Variants in WDHD1 observed in about 807,000 individuals in gnomAD.
WDHD1 encodes the protein WD repeat and HMG-box DNA binding protein 1.
Under a neutral mutation model 135.4 loss-of-function variants are expected in WDHD1, and 111 were observed. That is an observed-to-expected ratio of 0.82 (90% CI 0.70 to 0.96). The LOEUF is 0.96. WDHD1 is among the 40% of genes least tolerant of loss of function. WDHD1 has a pLI of 0.00. For synonymous variants in WDHD1, 434 were observed against 439.0 expected (o/e 0.99, Z 0.14); for missense variants, 1,351 against 1,336.3 (o/e 1.01, Z -0.17).
At position 55,008,637 on chromosome 14, in the gene WDHD1, G is replaced by C; in HGVS notation, c.424C>G (p.Leu142Val). 6.2e-7 allele frequency: 1 copy of C among 1,611,912 alleles called. No homozygotes were observed. Among genetic ancestry groups the C allele is most frequent in the Non-Finnish European group, 8.5e-7 (1 of 1,179,460 alleles). The change falls in exon 5 of 26, where the codon CTT (leucine) becomes GTT (valine). Residue 142 changes from leucine to valine, a missense_variant. Leu to Val is a conservative substitution (Grantham distance 32). Transcript: ENST00000360586. ...FRGHDAPVLS[L>V]SFDPKDIFLA... ...AAGATGTCCTTAGGATCAAAGGAAA[G>C]ACTTAAAACAGGGGCATCATGTCCT... is the stretch of plus-strand genomic sequence containing the variant.
chr14:54,999,305 T>C (rs147679941), intron 10 of WDHD1, among the ~76,000 whole-genome samples: 130 of 152,282 alleles, frequency 8.5e-4, no homozygotes, highest in African/African-American at 3.1e-3. Context: ...TCATCTTTTC[T>C]AAAAAAACAA....
chr14:54,983,687 A>C lies in WDHD1; in HGVS notation c.1906+1036T>G, dbSNP rs1477098738. On this transcript the variant is annotated intron_variant, in intron 15 of 25. Transcript: ENST00000360586. ...GACTCCTAATTTATTCCTTAAAAAA[A>C]AAAAAATTTTAAATAGAGATGGGAT... Among the ~76,000 whole-genome samples the C allele has an allele frequency of 2.0e-5, 3 of 151,950 alleles. No individual in the cohort carries two copies. In the East Asian group the frequency reaches 5.8e-4, roughly 29 times the overall value.
chr14:55,012,191 T>A (rs1389368843), intron 3 of WDHD1, among the ~76,000 whole-genome samples: 1 of 152,232 alleles, frequency 6.6e-6, no homozygotes, highest in Non-Finnish European at 1.5e-5. Flanking sequence ...TGTATGTTGG[T>A]CATTTACATT....
At position 54,984,764 on chromosome 14, in the gene WDHD1, G is replaced by A. The variant is rs1409183545; in HGVS notation, c.1865C>T (p.Thr622Ile). 6.2e-7 allele frequency: 1 copy of A among 1,613,316 alleles called. No homozygotes were observed. The highest frequency in any genetic ancestry group is 1.3e-5 in the African/African-American group (1 of 74,818). Residue 622 changes from threonine to isoleucine, a missense_variant, in exon 15 of 26, where the codon ACA becomes ATA. This residue lies in a region of WDHD1 where 1,330 missense variants were observed against 1,296.1 expected (regional missense o/e 1.03). Coordinates refer to ENST00000360586, the MANE Select transcript of WDHD1 (RefSeq NM_007086.4). Reference sequence around the variant, plus strand: ...AATCCATGCAAGGTAGGATTTCCTTGTAAGAGGAAGAGGGTCACCATGCAA... The same window carrying A: ...AATCCATGCAAGGTAGGATTTCCTTATAAGAGGAAGAGGGTCACCATGCAA... ...QILHGDPLPL[T>I]RKSYLAWIGF...
intron 7 of WDHD1, chr14:55,005,664 G>A (rs1426919194): frequency 1.4e-5 from 8 of 557,846 alleles, no homozygotes. Context: ...TCCTTCATTT[G>A]CAGGACATAG....
chr14:54,995,196 G>A (rs2041857561), intron 11 of WDHD1, among the ~76,000 whole-genome samples: 3 of 152,180 alleles, frequency 2.0e-5, no homozygotes, highest in Middle Eastern at 3.4e-3. Flanking sequence ...GGCCAGGCTG[G>A]TCTTGAACTC....
At chr14:55,025,771 T>C (rs1224198861) in intron 2 of WDHD1, among the ~76,000 whole-genome samples, 2 of 152,258 alleles carry the variant, frequency 1.3e-5, no homozygotes, top group Non-Finnish European at 2.9e-5. Flanking sequence ...CTAGTTTTCC[T>C]TCAGTTCTTT....
intron 2 of WDHD1, among the ~76,000 whole-genome samples, chr14:55,017,654 T>C (rs753193086): frequency 6.6e-6 from 1 of 152,212 alleles, no homozygotes; most frequent in African/African-American, 2.4e-5. Flanking sequence ...GAAAAATCAA[T>C]GTTCTTACTA....
intron 4 of WDHD1, 85 bp from the exon 5 acceptor site, chr14:55,008,804 T>C (rs1255589560): frequency 1.9e-6 from 2 of 1,076,798 alleles, no homozygotes; most frequent in East Asian, 2.6e-5. Context: ...TTTCTTTTTT[T>C]TTTTTTTTCT....
intron 7 of WDHD1, chr14:55,005,111 G>T: frequency 1.9e-6 from 1 of 532,768 alleles, no homozygotes; most frequent in South Asian, 1.4e-5. Context: ...GATCAGGCAT[G>T]ACCTCCCACA....
Position 54,984,839 on chromosome 14 carries a change from T to C in WDHD1, c.1790A>G (p.Gln597Arg), listed in dbSNP as rs773839239. The part of the protein sequence containing the change: ...YHRGTGFDGD[Q>R]CLGVQLLELG... ...CTCTAGCAGTTGAACTCCAAGGCAC[T>C]GATCCCCATCAAATCCTGTACCTAA... Residue 597 changes from glutamine to arginine, a missense_variant, in exon 15 of 26, where the codon CAG (glutamine) becomes CGG (arginine). Physicochemically the swap from Gln to Arg is conservative, Grantham distance 43 (BLOSUM62 1). Around this residue, in one of 2 missense-constraint regions of WDHD1, gnomAD observed 1,330 missense variants for 1,296.1 expected, o/e 1.03. Transcript: ENST00000360586. The C allele has an allele frequency of 1.2e-6, 2 of 1,612,650 alleles. No homozygotes were observed. Among genetic ancestry groups the C allele is most frequent in the East Asian group, 4.5e-5 (2 of 44,796 alleles).
At chr14:54,976,287 T>C (rs2041523164) in intron 16 of WDHD1, among the ~76,000 whole-genome samples, 2 of 152,182 alleles carry the variant, frequency 1.3e-5, no homozygotes, top group South Asian at 4.1e-4. Context: ...CAGGTTGGGG[T>C]GCAGGGGCTG....
At chr14:55,026,541 AC>A (rs3831212) in intron 2 of WDHD1, among the ~76,000 whole-genome samples, 169 bp downstream of exon 2, 73,301 of 152,002 alleles carry the variant, frequency 0.48, 19,578 homozygotes, top group East Asian at 0.78. Context: ...TACTACAACT[AC>A]CATGACGGCC....
chr14:54,992,955 TAAAAAC>T (rs922680580), intron 11 of WDHD1, among the ~76,000 whole-genome samples: 14 of 152,030 alleles, frequency 9.2e-5, no homozygotes, highest in Admixed American at 6.6e-4. Context: ...TATAATTAAT[TAAAAAC>T]AAAAACAAAT....
At chr14:55,024,754 T>G (rs1333252156) in intron 2 of WDHD1, among the ~76,000 whole-genome samples, 1 of 143,162 alleles carries the variant, frequency 7.0e-6, no homozygotes, top group East Asian at 2.1e-4. Flanking sequence ...GTGCAAGATG[T>G]GCTTTGTTAA....
intron 10 of WDHD1, among the ~76,000 whole-genome samples, chr14:54,999,454 C>T (rs1398137639): frequency 6.6e-6 from 1 of 152,178 alleles, no homozygotes; most frequent in Non-Finnish European, 1.5e-5. Flanking sequence ...CTAGAAGCAC[C>T]TAGTGCTACC....
intron 21 of WDHD1, among the ~76,000 whole-genome samples, chr14:54,958,128 A>ATT (rs35354246): frequency 2.2e-4 from 31 of 139,970 alleles, no homozygotes; most frequent in East Asian, 4.1e-4. Context: ...CCATCCAGCC[A>ATT]TTTTTTTTTT....
chr14:54,969,034 T>C (rs1404847568), intron 16 of WDHD1, among the ~76,000 whole-genome samples: 1 of 144,384 alleles, frequency 6.9e-6, no homozygotes, highest in Non-Finnish European at 1.6e-5. Context: ...ACCTTGTTTC[T>C]ATTTATTTAT....
chr14:54,967,492 AATATT>A, intron 16 of WDHD1, 98 bp from the exon 17 acceptor site: 1 of 706,778 alleles, frequency 1.4e-6, no homozygotes, highest in East Asian at 3.0e-5. Context: ...TTAGAATAGT[AATATT>A]ATAATAGCTG....
Sources: gnomAD v4.1 joint callset for allele counts (sites outside exome capture counted in the v4.1 genomes callset) on GRCh38, gnomAD v4.1.1 for gene constraint, gnomAD v4.1.1 regional missense constraint, MANE v1.5 for transcripts, NCBI Gene and HGNC (gene_info 2026-07-23, HGNC 2026-07-21) for gene names.